The following SCAI variants were observed in gnomAD, a reference collection of about 807,000 sequenced individuals.
The protein encoded by SCAI is protein SCAI.
Under a neutral mutation model 92.2 loss-of-function variants are expected in SCAI, and 24 were observed. That is an observed-to-expected ratio of 0.26 (90% confidence interval 0.19 to 0.37). The LOEUF (loss-of-function observed/expected upper bound fraction) is 0.37. Ranked by LOEUF, SCAI falls within the 10% of genes least tolerant of loss-of-function variation. The pLI, the probability that SCAI is intolerant of heterozygous loss-of-function variation, is 1.00. For missense variants in SCAI, 450 were observed against 736.2 expected, an observed-to-expected ratio of 0.61 and a Z score of 4.50; for synonymous variants, 261 against 258.6, an observed-to-expected ratio of 1.01 and a Z score of -0.09.
chr9:125,038,010 AC>A (rs956423398), intron 3 of SCAI, among the ~76,000 whole-genome samples: 3 of 152,002 alleles, frequency 2.0e-5, no homozygotes, highest in Non-Finnish European at 2.9e-5. Context: ...TAATCCCAGC[AC>A]TTTGAGGGGC....
intron 14 of SCAI, among the ~76,000 whole-genome samples, chr9:124,989,196 C>T (rs1194799296): frequency 6.6e-6 from 1 of 152,052 alleles, no homozygotes; most frequent in African/African-American, 2.4e-5. Flanking sequence ...TGAAAAATCA[C>T]TAAGAAGAAA....
chr9:125,022,843 T>A (rs1182061296), intron 6 of SCAI, among the ~76,000 whole-genome samples: 1 of 152,228 alleles, frequency 6.6e-6, no homozygotes, highest in African/African-American at 2.4e-5. Flanking sequence ...TTCTATTTTA[T>A]TATTTTGTGC....
At chr9:125,003,087 T>A (rs375816098) in intron 11 of SCAI, 27 bp downstream of exon 11, 1 of 1,409,876 alleles carries the variant, frequency 7.1e-7, no homozygotes, top group East Asian at 2.3e-5. Context: ...TTTCACCTCA[T>A]AGTAAAAAGT....
At chr9:125,011,340 G>C (rs1832634764) in intron 9 of SCAI, among the ~76,000 whole-genome samples, 1 of 152,216 alleles carries the variant, frequency 6.6e-6, no homozygotes, top group Non-Finnish European at 1.5e-5. Context: ...GTGCTTAAAG[G>C]AGCTGATGGA....
chr9:125,077,716 T>C (rs1371163604), intron 2 of SCAI, among the ~76,000 whole-genome samples: 4 of 148,054 alleles, frequency 2.7e-5, no homozygotes, highest in Admixed American at 1.3e-4. Flanking sequence ...TTGACATTTA[T>C]TTATTTATTT....
intron 9 of SCAI, among the ~76,000 whole-genome samples, chr9:125,010,065 G>A (rs144270089): frequency 5.4e-4 from 82 of 152,248 alleles, no homozygotes; most frequent in African/African-American, 1.8e-3. Context: ...CAAGATGGCC[G>A]AATAGGAACA....
intron 15 of SCAI, chr9:124,974,291 T>C (rs529028741): frequency 2.7e-5 from 12 of 436,386 alleles, no homozygotes; most frequent in African/African-American, 2.0e-4. Context: ...AAAAAAAAAA[T>C]ACAAAAATTA....
intron 2 of SCAI, among the ~76,000 whole-genome samples, chr9:125,129,336 T>C (rs1252204403): frequency 7.1e-6 from 1 of 141,768 alleles, no homozygotes; most frequent in Non-Finnish European, 1.6e-5. Context: ...AACTACTCAG[T>C]TGGCTGAGGC....
At chr9:124,995,057 A>G (rs761758786) in intron 13 of SCAI, 42 bp from the exon 14 acceptor site, 24 of 1,420,144 alleles carry the variant, frequency 1.7e-5, no homozygotes, top group Non-Finnish European at 2.1e-5. Context: ...TGTGTCAGCC[A>G]CATCTCAGAA....
chr9:125,005,673 A>C (rs1408323815), intron 9 of SCAI, among the ~76,000 whole-genome samples: 1 of 152,200 alleles, frequency 6.6e-6, no homozygotes, highest in Non-Finnish European at 1.5e-5. Flanking sequence ...TAAGGAGATA[A>C]GTGGGCACTA....
chr9:125,021,808 T>C (rs534446457), intron 6 of SCAI, among the ~76,000 whole-genome samples: 3 of 152,310 alleles, frequency 2.0e-5, no homozygotes, highest in East Asian at 3.9e-4. Context: ...AGTCTTGTTA[T>C]GTTGCCCAAC....
At chr9:125,095,785 TGA>T (rs1487996163) in intron 2 of SCAI, among the ~76,000 whole-genome samples, 2 of 152,076 alleles carry the variant, frequency 1.3e-5, no homozygotes, top group Non-Finnish European at 1.5e-5. Context: ...AAGCTAGTGA[TGA>T]GAGAGCAACA....
intron 2 of SCAI, among the ~76,000 whole-genome samples, chr9:125,082,316 C>A (rs951620395): frequency 4.6e-5 from 7 of 152,238 alleles, no homozygotes; most frequent in African/African-American, 1.7e-4. Flanking sequence ...GTTTGGGAAC[C>A]TCTGCCTAGA....
At chr9:124,983,028 C>T (rs1831918237) in intron 14 of SCAI, among the ~76,000 whole-genome samples, 1 of 151,964 alleles carries the variant, frequency 6.6e-6, no homozygotes, top group Non-Finnish European at 1.5e-5. Context: ...TGGCATGTTT[C>T]TGTAGTCCTA....
intron 14 of SCAI, among the ~76,000 whole-genome samples, chr9:124,986,925 G>A (rs1401107281): frequency 6.6e-6 from 1 of 152,172 alleles, no homozygotes; most frequent in Non-Finnish European, 1.5e-5. Context: ...AAATCTGTAA[G>A]TCATTTTCAC....
chr9:125,139,046 A>G (rs1337818695), intron 2 of SCAI, among the ~76,000 whole-genome samples: 1 of 152,208 alleles, frequency 6.6e-6, no homozygotes, highest in Non-Finnish European at 1.5e-5. Flanking sequence ...CTCACTGAGC[A>G]AAGTCTTAAA....
chr9:125,073,563 T>C (rs1363523053), intron 2 of SCAI, among the ~76,000 whole-genome samples: 2 of 152,204 alleles, frequency 1.3e-5, no homozygotes, highest in Non-Finnish European at 2.9e-5. Flanking sequence ...AGCAGCCATA[T>C]GAATGAGTGT....
At chr9:125,072,687 C>T (rs1420216916) in intron 2 of SCAI, among the ~76,000 whole-genome samples, 1 of 152,132 alleles carries the variant, frequency 6.6e-6, no homozygotes, top group Non-Finnish European at 1.5e-5. Flanking sequence ...TAATAACTCC[C>T]CCATTTTCCC....
rs1024320728 is a variant in SCAI at position 124,944,874 on chromosome 9, G to A, written c.*7933C>T. ...GGACATTCACAACAGCTTCAGAAGA[G>A]AAAAGAAAATCAGTGATATAACAAA... On this transcript the variant is annotated 3_prime_UTR_variant, in exon 18 of 18. Coordinates refer to ENST00000336505, the MANE Select transcript of SCAI (RefSeq NM_001144877.3). The A allele has an allele frequency of 4.9e-4, 74 of 152,110 alleles. No individual in the cohort carries two copies. Among genetic ancestry groups the A allele is most frequent in the Non-Finnish European group, 9.3e-4 (63 of 68,028 alleles). 9.4% of individuals were successfully genotyped at this position (152,110 alleles called of 1,614,324 possible). A position where few individuals can be genotyped will look rare whatever the true frequency, so the allele number is the denominator to read the frequency against.
Sources: gnomAD v4.1 joint callset for allele counts (sites outside exome capture counted in the v4.1 genomes callset) on GRCh38, gnomAD v4.1.1 for gene constraint, MANE v1.5 for transcripts, NCBI Gene and HGNC (gene_info 2026-07-23, HGNC 2026-07-21) for gene names.